Variants in LRCH1 observed in about 807,000 individuals in gnomAD.
LRCH1 encodes leucine rich repeats and calponin homology domain containing 1.
In LRCH1, 23 loss-of-function variants were observed where a neutral mutation model predicts 94.9. The ratio of observed to expected loss-of-function variants is 0.24; its 90% confidence interval spans 0.17 to 0.34. The LOEUF (loss-of-function observed/expected upper bound fraction) is 0.34. LRCH1 is among the 10% of genes least tolerant of loss of function. The pLI is 1.00. For missense variants in LRCH1, 790 were observed against 945.9 expected (o/e 0.84, Z 2.16); for synonymous variants, 364 against 354.9 (o/e 1.03, Z -0.29).
chr13:46,725,527 A>G (rs538422639), intron 17 of LRCH1, among the ~76,000 whole-genome samples: 93 of 152,284 alleles, frequency 6.1e-4, no homozygotes, highest in Middle Eastern at 3.4e-3. Flanking sequence ...TATTGGGGAG[A>G]GATAGTAAAT....
intron 11 of LRCH1, among the ~76,000 whole-genome samples, chr13:46,702,607 A>G (rs940604291): frequency 1.3e-5 from 2 of 152,194 alleles, no homozygotes; most frequent in Non-Finnish European, 2.9e-5. Context: ...CAACCCCAGG[A>G]AAAGGGGAGA....
chr13:46,598,597 A>C (rs542592645), intron 1 of LRCH1, among the ~76,000 whole-genome samples: 2,165 of 152,022 alleles, frequency 0.014, 49 homozygotes, highest in Non-Finnish European at 0.016. Context: ...ACAACAACAA[A>C]AAAAAAAGAA....
At chr13:46,610,502 A>G (rs924918892) in intron 1 of LRCH1, among the ~76,000 whole-genome samples, 9 of 143,700 alleles carry the variant, frequency 6.3e-5, no homozygotes, top group African/African-American at 2.3e-4. Context: ...TTTTTTTTTT[A>G]ATTTCAGTAG....
intron 13 of LRCH1, among the ~76,000 whole-genome samples, chr13:46,706,579 A>AT (rs1566240008): frequency 6.6e-6 from 1 of 152,004 alleles, no homozygotes; most frequent in Non-Finnish European, 1.5e-5. Context: ...TTTGGAAATA[A>AT]TTTTTTTAAT....
Position 46,637,603 on chromosome 13 carries a change from G to A in LRCH1, c.308-12598G>A, listed in dbSNP as rs372846044. ...GAAAGGCTCAGCCCTTAAGGATCCC[G>A]TGCCTTCCTCTCTTCTTTCTGTCAG... On this transcript the variant is annotated intron_variant, in intron 1 of 19. Transcript: ENST00000389797. 4.6e-5 allele frequency among the ~76,000 whole-genome samples: 7 copies of A among 152,218 alleles called. No individual in the cohort carries two copies. In the South Asian group the frequency reaches 1.2e-3, roughly 27 times the overall value.
At chr13:46,719,598 T>C (rs1872503886) in intron 16 of LRCH1, among the ~76,000 whole-genome samples, 1 of 152,240 alleles carries the variant, frequency 6.6e-6, no homozygotes, top group Non-Finnish European at 1.5e-5. Context: ...TATCTGCAAG[T>C]ATGAATTTGA....
Position 46,650,226 on chromosome 13 carries a change from A to C in LRCH1, c.333A>C (p.Glu111Asp). 6.2e-7 allele frequency: 1 copy of C among 1,612,118 alleles called. No individual in the cohort carries two copies. The part of the protein sequence containing the change: ...QADLSKNRLV[E>D]VPMELCHFVS... ...ACTTATCTAAAAACAGACTGGTTGA[A>C]GTTCCAATGGAATTGTGCCATTTTG... Residue 111 changes from glutamate to aspartate, a missense_variant, in exon 2 of 20, where the codon GAA (glutamate) becomes GAC (aspartate). Glu to Asp is a conservative substitution (Grantham distance 45). Around this residue, in one of 3 missense-constraint regions of LRCH1, gnomAD observed 194 missense variants for 293.5 expected, o/e 0.66. Transcript: ENST00000389797.
chr13:46,698,371 G>A (rs1203503360), intron 9 of LRCH1, among the ~76,000 whole-genome samples: 2 of 152,186 alleles, frequency 1.3e-5, no homozygotes, highest in African/African-American at 4.8e-5. Context: ...AGAGATGAAC[G>A]TGCAAGGAGG....
intron 1 of LRCH1, 109 bp downstream of exon 1, chr13:46,553,812 G>T: frequency 6.5e-7 from 1 of 1,533,678 alleles, no homozygotes; most frequent in South Asian, 1.2e-5. Context: ...GGGGGAGGGA[G>T]GGTCCATCGG....
intron 2 of LRCH1, among the ~76,000 whole-genome samples, chr13:46,651,960 TCAC>T (rs2051308117): frequency 7.0e-6 from 1 of 143,056 alleles, no homozygotes. Flanking sequence ...CGATCTCGGC[TCAC>T]TGCAAGCTCC....
chr13:46,697,940 T>C lies in LRCH1; in HGVS notation c.1246-1396T>C, dbSNP rs576592663. On this transcript the variant is annotated intron_variant, in intron 9 of 19. Transcript: ENST00000389797. ...TGTGAAACAAAAAAATAAAAAGAAA[T>C]ACCCTTTGCTTCTATCATTGAAACC... is the stretch of plus-strand genomic sequence containing the variant. 3.3e-5 allele frequency among the ~76,000 whole-genome samples: 5 copies of C among 152,304 alleles called. No homozygotes were observed. In the South Asian group the frequency reaches 1.0e-3, roughly 32 times the overall value.
chr13:46,596,480 C>A (rs2137972674), intron 1 of LRCH1, among the ~76,000 whole-genome samples: 1 of 152,306 alleles, frequency 6.6e-6, no homozygotes, highest in African/African-American at 2.4e-5. Context: ...ACACTTGGTG[C>A]TGCTATGAAT....
rs1405450136 is a variant in LRCH1 at position 46,566,306 on chromosome 13, T to C, written c.307+12603T>C. 1.3e-5 allele frequency among the ~76,000 whole-genome samples: 2 copies of C among 152,178 alleles called. 1 individual carries two copies. Among genetic ancestry groups the C allele is most frequent in the Admixed American group, 1.3e-4 (2 of 15,282 alleles). On this transcript the variant is annotated intron_variant, in intron 1 of 19. Coordinates refer to ENST00000389797, the MANE Select transcript of LRCH1 (RefSeq NM_001164211.2). ...AGGAATAAATATATAGTAGATTCAA[T>C]TGTTATCTTTTTTTTCCCTCACTCT...
chr13:46,736,792 A>G (rs567515339), intron 19 of LRCH1, among the ~76,000 whole-genome samples: 3 of 152,328 alleles, frequency 2.0e-5, no homozygotes, highest in Admixed American at 6.5e-5. Flanking sequence ...TAAGTTCTGC[A>G]TTTTATAAGC....
At chr13:46,667,539 G>A (rs1593337845) in intron 2 of LRCH1, among the ~76,000 whole-genome samples, 1 of 15,326 alleles carries the variant, frequency 6.5e-5, no homozygotes, top group Non-Finnish European at 1.7e-4. Flanking sequence ...GGTGGGGGGA[G>A]GGGGGGAGGG....
chr13:46,708,446 AC>A (rs1391186083), intron 13 of LRCH1, among the ~76,000 whole-genome samples: 4 of 151,826 alleles, frequency 2.6e-5, no homozygotes, highest in African/African-American at 7.3e-5. Context: ...TAATTTTTGT[AC>A]TTTTAGTAGA....
intron 1 of LRCH1, among the ~76,000 whole-genome samples, chr13:46,632,364 C>G (rs1288044449): frequency 6.6e-6 from 1 of 152,174 alleles, no homozygotes; most frequent in Non-Finnish European, 1.5e-5. Context: ...TGCCATATGT[C>G]TGCCCCATAC....
chr13:46,741,774 G>A lies in LRCH1; in HGVS notation c.2218G>A (p.Gly740Ser), dbSNP rs879921178. 6.2e-7 allele frequency: 1 copy of A among 1,614,188 alleles called. No homozygotes were observed. The highest frequency in any genetic ancestry group is 1.3e-5 in the African/African-American group (1 of 75,052). ...TGCCCTCCGCTCCAGGGACCTTATA[G>A]GCTTCTGTCTTGTCCATATTCTCTT... is the stretch of plus-strand genomic sequence containing the variant. ...TSALRSRDLIGFCLVHILFIV... is the reference protein window; with the variant it reads ...TSALRSRDLISFCLVHILFIV... Residue 740 changes from glycine (G) to serine (S), a missense_variant, in exon 20 of 20, where the codon GGC becomes AGC. Transcript: ENST00000389797.
rs1041422451 is a variant in LRCH1, at chr13:46,743,911, G to A, written c.*2063G>A. ...AATTCTGGCATCCAAAGTATTCTTT[G>A]GACGCACTTTGATTTTTTTTGTGTC... On this transcript the variant is annotated 3_prime_UTR_variant, in exon 20 of 20. Transcript: ENST00000389797. 4 of 985,200 alleles carry A rather than the reference G, an allele frequency of 4.1e-6. No homozygotes were observed. In the East Asian group the frequency reaches 4.5e-4, roughly 112 times the overall value. The allele number at this position is 985,200 out of a possible 1,614,324, so 61.0% of individuals were successfully genotyped here.
Sources: allele counts gnomAD v4.1 joint callset (sites outside exome capture counted in the v4.1 genomes callset), GRCh38; gene constraint gnomAD v4.1.1; regional missense constraint gnomAD v4.1.1; transcripts MANE v1.5; gene names NCBI Gene and HGNC (gene_info 2026-07-23, HGNC 2026-07-21).